Variants in MEMO1 observed in about 807,000 individuals in gnomAD.
MEMO1 encodes mediator of cell motility 1.
In MEMO1, 6 loss-of-function variants were observed where a neutral mutation model predicts 45.2. The ratio of observed to expected loss-of-function variants is 0.13; its 90% CI spans 0.07 to 0.26. MEMO1 has a LOEUF of 0.26. Ranked by LOEUF, MEMO1 falls within the 10% of genes least tolerant of loss-of-function variation. MEMO1 has a pLI of 1.00. For missense variants in MEMO1, 184 were observed against 370.5 expected (o/e 0.50, Z 4.13); for synonymous variants, 78 against 124.3 (o/e 0.63, Z 2.48).
chr2:31,974,672 G>T (rs1669797113), intron 2 of MEMO1, among the ~76,000 whole-genome samples: 1 of 152,078 alleles, frequency 6.6e-6, no homozygotes, highest in South Asian at 2.1e-4. Context: ...TTGAACCCAG[G>T]GGGGCCAGGG....
At chr2:31,969,457 C>T (rs531687250) in intron 2 of MEMO1, among the ~76,000 whole-genome samples, 1 of 150,896 alleles carries the variant, frequency 6.6e-6, no homozygotes, top group Admixed American at 6.6e-5. Flanking sequence ...ATATATCACA[C>T]ATATGTGTAT....
chr2:31,913,092 C>T (rs1043510506), intron 6 of MEMO1, among the ~76,000 whole-genome samples: 1 of 151,732 alleles, frequency 6.6e-6, no homozygotes, highest in Non-Finnish European at 1.5e-5. Flanking sequence ...TTCTGGCCAA[C>T]AAGGTCTACT....
chr2:31,888,367 G>C (rs896452150), intron 7 of MEMO1, among the ~76,000 whole-genome samples: 1 of 152,008 alleles, frequency 6.6e-6, no homozygotes, highest in African/African-American at 2.4e-5. Flanking sequence ...TCTTAGAAGT[G>C]AAAATTACGT....
chr2:31,882,211 C>T (rs1011256052), intron 8 of MEMO1, among the ~76,000 whole-genome samples: 1 of 152,042 alleles, frequency 6.6e-6, no homozygotes, highest in Non-Finnish European at 1.5e-5. Flanking sequence ...CCCAGCTACT[C>T]AGGAGGCTAA....
At chr2:31,983,538 G>A (rs1001699486) in intron 2 of MEMO1, among the ~76,000 whole-genome samples, 6 of 151,968 alleles carry the variant, frequency 3.9e-5, no homozygotes, top group Non-Finnish European at 7.4e-5. Context: ...GGGTTCAAGC[G>A]GTTCTCCTGC....
chr2:31,905,562 A>G (rs1679536836), intron 6 of MEMO1, among the ~76,000 whole-genome samples: 1 of 152,222 alleles, frequency 6.6e-6, no homozygotes, highest in African/African-American at 2.4e-5. Context: ...AAGCAACACA[A>G]TCTTATAAAC....
chr2:31,924,675 T>C (rs932051808), intron 4 of MEMO1, among the ~76,000 whole-genome samples: 34 of 152,172 alleles, frequency 2.2e-4, no homozygotes, highest in Non-Finnish European at 5.9e-5. Flanking sequence ...GTAAACGTGT[T>C]TCACAGGAAG....
At chr2:31,874,726 A>C (rs912388131) in intron 8 of MEMO1, among the ~76,000 whole-genome samples, 1 of 152,030 alleles carries the variant, frequency 6.6e-6, no homozygotes, top group South Asian at 2.1e-4. Flanking sequence ...TATAATGCTT[A>C]TACAGAGAAC....
In MEMO1 at chr2:31,918,304, A is replaced by G. The variant is rs182358100; in HGVS notation, c.326-267T>C. ...GTAAAGACTTACTCATCATTTGTAT[A>G]TGTTACATAGTTATATAAAAAATGA... On this transcript the variant is annotated intron_variant, in intron 5 of 9. Coordinates refer to ENST00000404530, the MANE Select transcript of MEMO1 (RefSeq NM_001301833.4). Among the ~76,000 whole-genome samples, 42 of 152,272 alleles carry G rather than the reference A, an allele frequency of 2.8e-4. 1 individual carries two copies. Among genetic ancestry groups the G allele is most frequent in the Admixed American group, 2.7e-3 (41 of 15,286 alleles).
At chr2:31,995,390 G>C (rs1353301495) in intron 2 of MEMO1, among the ~76,000 whole-genome samples, 1 of 152,106 alleles carries the variant, frequency 6.6e-6, no homozygotes, top group African/African-American at 2.4e-5. Context: ...GGAGGTGGAG[G>C]TTGCAGTGAG....
intron 3 of MEMO1, among the ~76,000 whole-genome samples, chr2:31,943,002 T>TA (rs1283529672): frequency 1.3e-5 from 2 of 152,144 alleles, no homozygotes; most frequent in Admixed American, 6.5e-5. Context: ...TCTTAAAACT[T>TA]ACAGTGCAGG....
intron 4 of MEMO1, among the ~76,000 whole-genome samples, chr2:31,926,519 T>C (rs71446029): frequency 0.05 from 7,547 of 152,210 alleles, 232 homozygotes; most frequent in Middle Eastern, 0.13. Flanking sequence ...AAAGAATTAA[T>C]GATTTTTTCT....
In MEMO1 at chr2:31,999,758, G is replaced by GC. The variant is rs1303645303; in HGVS notation, c.61+10428_61+10429insG. Among the ~76,000 whole-genome samples the GC allele has an allele frequency of 2.0e-5, 3 of 152,054 alleles. No homozygotes were observed. In the East Asian group the frequency reaches 5.8e-4, roughly 29 times the overall value. On this transcript the variant is annotated intron_variant, in intron 2 of 9. Transcript: ENST00000404530. ...GCTGCAATGACCTTGCTTACTGGGT[G>GC]TTCCTCAAATATTCCAGGCCTGCTC...
chr2:31,942,531 T>C (rs1466483714), intron 3 of MEMO1, among the ~76,000 whole-genome samples: 1 of 151,768 alleles, frequency 6.6e-6, no homozygotes, highest in African/African-American at 2.4e-5. Flanking sequence ...TTTTTTGAGA[T>C]AGGGCCTCAC....
At chr2:31,961,381 GA>G (rs1369544159) in intron 2 of MEMO1, among the ~76,000 whole-genome samples, 2 of 152,002 alleles carry the variant, frequency 1.3e-5, no homozygotes, top group African/African-American at 4.8e-5. Flanking sequence ...CAATATGCCA[GA>G]AAAAACTGCA....
In MEMO1 at chr2:31,989,887, T is replaced by C. The variant is rs188274935; in HGVS notation, c.61+20300A>G. On this transcript the variant is annotated intron_variant, in intron 2 of 9. Transcript: ENST00000404530. ...ATCCCAGCAATTTGGGAGGCCGAAG[T>C]AGACAAGATCACTTGTACCCAGGAG... Among the ~76,000 whole-genome samples, 46 of 152,254 alleles carry C rather than the reference T, an allele frequency of 3.0e-4. No individual in the cohort carries two copies. The East Asian group carries it at 8.5e-3, about 28-fold the overall frequency.
At chr2:31,896,673 G>C (rs1161067060) in intron 6 of MEMO1, among the ~76,000 whole-genome samples, 1 of 152,022 alleles carries the variant, frequency 6.6e-6, no homozygotes, top group Non-Finnish European at 1.5e-5. Flanking sequence ...GTTGATAACT[G>C]AATTTAACAA....
intron 2 of MEMO1, among the ~76,000 whole-genome samples, chr2:31,967,324 A>C (rs1668750800): frequency 6.6e-6 from 1 of 151,920 alleles, no homozygotes; most frequent in Non-Finnish European, 1.5e-5. Context: ...ATGGGGTTTC[A>C]CCATGTTAGC....
chr2:32,009,985 C>T (rs1374162806), intron 2 of MEMO1, among the ~76,000 whole-genome samples: 9 of 150,478 alleles, frequency 6.0e-5, no homozygotes, highest in African/African-American at 1.9e-4. Context: ...GGGCTGCCGG[C>T]GCGGGATGCC....
Sources: allele counts gnomAD v4.1 joint callset (sites outside exome capture counted in the v4.1 genomes callset), GRCh38; gene constraint gnomAD v4.1.1; transcripts MANE v1.5; gene names NCBI Gene and HGNC (gene_info 2026-07-23, HGNC 2026-07-21).